SYNPO: variants seen among roughly 807,000 people sequenced by gnomAD.
SYNPO encodes synaptopodin.
SYNPO carries 19 observed loss-of-function variants against 49.5 expected under a neutral mutation model. The observed-to-expected ratio is 0.38, with a 90% confidence interval of 0.27 to 0.56. The LOEUF is 0.56. Ranked by LOEUF, SYNPO falls within the 20% of genes least tolerant of loss-of-function variation. The pLI is 0.68. For synonymous variants in SYNPO, 536 were observed against 548.0 expected, an observed-to-expected ratio of 0.98 and a Z score of 0.31; for missense variants, 1,131 against 1,248.3, an observed-to-expected ratio of 0.91 and a Z score of 1.42.
chr5:150,641,247 G>C (rs555298579), intron 1 of SYNPO, among the ~76,000 whole-genome samples: 1 of 152,326 alleles, frequency 6.6e-6, no homozygotes, highest in South Asian at 2.1e-4. Context: ...CCATTACTCA[G>C]GCCTCTCCAT....
At chr5:150,601,952 A>T (rs950951629) in intron 1 of SYNPO, among the ~76,000 whole-genome samples, 4 of 152,220 alleles carry the variant, frequency 2.6e-5, no homozygotes, top group Admixed American at 6.5e-5. Context: ...TTTTCAGAGC[A>T]GTCACCTCCA....
chr5:150,653,159 T>G (rs957312291), intron 2 of SYNPO: 1 of 152,220 alleles, frequency 6.6e-6, no homozygotes, highest in African/African-American at 2.4e-5. Context: ...GAGCTCTCTG[T>G]CAGAAAGTGA....
In SYNPO at chr5:150,649,612, A is replaced by C. The variant is rs764416277; in HGVS notation, c.1337A>C (p.Glu446Ala). 1 of 1,609,060 alleles carries C rather than the reference A, an allele frequency of 6.2e-7. No homozygotes were observed. Among genetic ancestry groups the C allele is most frequent in the South Asian group, 1.1e-5 (1 of 91,022 alleles). ...PRDRASPAAA[E>A]EVVPEWASCL... Reference sequence around the variant, plus strand: ...GACAGGGCCAGCCCCGCGGCGGCGGAGGAGGTGGTACCAGAGTGGGCCTCC... The same window carrying C: ...GACAGGGCCAGCCCCGCGGCGGCGGCGGAGGTGGTACCAGAGTGGGCCTCC... Residue 446 changes from glutamate (E) to alanine (A), a missense_variant, in exon 2 of 3, where the codon GAG becomes GCG. Physicochemically the swap from Glu to Ala is moderately radical, Grantham distance 107 (BLOSUM62 -1). Transcript: ENST00000307662.
At chr5:150,598,544 G>A (rs1400075619), upstream of SYNPO, among the ~76,000 whole-genome samples, 2 of 152,280 alleles carry the variant, frequency 1.3e-5, no homozygotes, top group East Asian at 1.9e-4. Context: ...TACAGTGCCC[G>A]GCACAGAGGA....
At chr5:150,631,617 G>A (rs1448784774) in intron 2 of SYNPO, among the ~76,000 whole-genome samples, 1 of 152,164 alleles carries the variant, frequency 6.6e-6, no homozygotes, top group African/African-American at 2.4e-5. Flanking sequence ...GCGGATCATA[G>A]GAAAGAGGAG....
upstream of SYNPO, among the ~76,000 whole-genome samples, chr5:150,639,875 A>G (rs1018969434): frequency 1.3e-5 from 2 of 152,210 alleles, no homozygotes; most frequent in African/African-American, 4.8e-5. Flanking sequence ...CTGGGGGAAA[A>G]TAGGGCCCAG....
rs1758186692 is a variant in SYNPO, at chr5:150,648,293, G to A, written c.18G>A (p.Glu6=). MEGYS[E]EASLLRHLEK... is the part of the protein sequence containing the mutation. ...GCCACAGCATGGAGGGGTACTCAGA[G>A]GAGGCTAGCTTGCTGCGGCACCTGG... Residue 6 remains glutamate (E), a synonymous_variant, in exon 2 of 3, where the codon GAG becomes GAA. Coordinates refer to ENST00000307662, the MANE Select transcript of SYNPO (RefSeq NM_007286.6). The surrounding 1 kb of genome is among the most constrained non-coding windows in gnomAD (Gnocchi z 5.0). 1 of 1,614,208 alleles carries A rather than the reference G, an allele frequency of 6.2e-7. No homozygotes were observed. Among genetic ancestry groups the A allele is most frequent in the Non-Finnish European group, 8.5e-7 (1 of 1,180,026 alleles).
chr5:150,615,707 A>G (rs946454634), intron 1 of SYNPO, among the ~76,000 whole-genome samples: 1 of 152,244 alleles, frequency 6.6e-6, no homozygotes, highest in African/African-American at 2.4e-5. Flanking sequence ...GAAATCTGGC[A>G]GCAGCTGGTG....
In SYNPO at chr5:150,649,907, C is replaced by T; in HGVS notation, c.1632C>T (p.Leu544=). 1 of 1,611,520 alleles carries T rather than the reference C, an allele frequency of 6.2e-7. No individual in the cohort carries two copies. Among genetic ancestry groups the T allele is most frequent in the Non-Finnish European group, 8.5e-7 (1 of 1,180,000 alleles). ...CAGCCCGGACCCCGCCTGCCTCCCT[C>T]TACCATGGCTACCTGCCTGAGAACG... The part of the protein sequence containing the change: ...RSPARTPPAS[L]YHGYLPENGV... Residue 544 remains leucine, a synonymous_variant, in exon 2 of 3, where the codon CTC becomes CTT. Transcript: ENST00000307662.
chr5:150,631,601 C>T (rs755875169), intron 2 of SYNPO, among the ~76,000 whole-genome samples: 1 of 152,086 alleles, frequency 6.6e-6, no homozygotes, highest in African/African-American at 2.4e-5. Flanking sequence ...TGCGAAGGGG[C>T]TTGAGGCGGA....
chr5:150,646,095 C>T (rs1018131529), intron 1 of SYNPO, among the ~76,000 whole-genome samples: 2 of 151,614 alleles, frequency 1.3e-5, no homozygotes, highest in African/African-American at 2.4e-5. Flanking sequence ...TTTAGGAAGC[C>T]AAGGCCAGAG....
Position 150,651,225 on chromosome 5 carries a change from C to G in SYNPO, c.2028+922C>G, listed in dbSNP as rs985223741. Reference sequence around the variant, plus strand: ...TTTTGGCTTCAGATTCAACCAAGATCTGCCTGACTAAAAGAAGCCACCTCA... The same window carrying G: ...TTTTGGCTTCAGATTCAACCAAGATGTGCCTGACTAAAAGAAGCCACCTCA... On this transcript the variant is annotated intron_variant, in intron 2 of 2. Transcript: ENST00000307662. 7 of 1,004,802 alleles carry G rather than the reference C, an allele frequency of 7.0e-6. No individual in the cohort carries two copies. The African/African-American group carries it at 1.2e-4, about 17-fold the overall frequency. The allele number at this position is 1,004,802 out of a possible 1,614,324, so 62.2% of individuals were successfully genotyped here.
chr5:150,657,055 A>C lies in SYNPO; in HGVS notation c.2680A>C (p.Ser894Arg), dbSNP rs1221696384. Residue 894 changes from serine (S) to arginine (R), a missense_variant, in exon 3 of 3, where the codon AGC (serine) becomes CGC (arginine). By Grantham distance (110) the Ser-to-Arg change is moderately radical. This residue lies in a region of SYNPO where 509 missense variants were observed against 484.5 expected (regional missense o/e 1.05). Coordinates refer to ENST00000307662, the MANE Select transcript of SYNPO (RefSeq NM_007286.6). ...TGGCAGCCTTCGGCTCAAGCGTGGC[A>C]GCCTCCCCGCCGAGGCCTCCTGCAC... ...WNGSLRLKRG[S>R]LPAEASCTT The C allele has an allele frequency of 1.9e-6, 3 of 1,594,360 alleles. No individual in the cohort carries two copies. In the Admixed American group the frequency reaches 5.2e-5, roughly 27 times the overall value.
chr5:150,618,814 C>T, intron 2 of SYNPO: 2 of 1,546,926 alleles, frequency 1.3e-6, no homozygotes, highest in Non-Finnish European at 1.7e-6. Flanking sequence ...TCACTGGAGA[C>T]CCCCCAGGTC....
At chr5:150,644,309 A>G (rs533496088) in intron 1 of SYNPO, among the ~76,000 whole-genome samples, 44 of 152,266 alleles carry the variant, frequency 2.9e-4, no homozygotes, top group Admixed American at 1.2e-3. Flanking sequence ...CACACTCAGC[A>G]TGTTGTTTTG....
At chr5:150,633,925 C>T (rs940908791) in intron 2 of SYNPO, among the ~76,000 whole-genome samples, 15 of 151,930 alleles carry the variant, frequency 9.9e-5, no homozygotes, top group South Asian at 2.1e-4. Flanking sequence ...AGTTCAAGAC[C>T]AGCCTGGGAA....
At chr5:150,618,404 C>T (rs749262179) in exon 2 of SYNPO, 40 of 1,551,376 alleles carry the variant, frequency 2.6e-5, no homozygotes, top group Non-Finnish European at 2.5e-5. Flanking sequence ...GCCCCTTGCA[C>T]CCAGCGAAGG....
intron 2 of SYNPO, among the ~76,000 whole-genome samples, chr5:150,620,774 C>T (rs1011290128): frequency 6.6e-6 from 1 of 152,184 alleles, no homozygotes; most frequent in African/African-American, 2.4e-5. Flanking sequence ...GGTGAGGCAA[C>T]TGAGGCTCAG....
chr5:150,597,083 T>C (rs1756438825), upstream of SYNPO, among the ~76,000 whole-genome samples: 1 of 152,222 alleles, frequency 6.6e-6, no homozygotes, highest in Non-Finnish European at 1.5e-5. Flanking sequence ...TGTCTTCCTG[T>C]GGCTTCTGCT....
Sources: allele counts gnomAD v4.1 joint callset (sites outside exome capture counted in the v4.1 genomes callset), GRCh38; gene constraint gnomAD v4.1.1; regional missense constraint gnomAD v4.1.1; non-coding constraint Gnocchi (gnomAD v3.1); transcripts MANE v1.5; gene names NCBI Gene and HGNC (gene_info 2026-07-23, HGNC 2026-07-21).